The following CENPP variants were observed in gnomAD, a reference collection of about 807,000 sequenced individuals.
CENPP encodes centromere protein P.
A neutral mutation model predicts 35.6 loss-of-function variants in CENPP; 24 were observed. That is an observed-to-expected ratio of 0.67 (90% CI 0.49 to 0.95). The LOEUF is 0.95. CENPP is among the 40% of genes least tolerant of loss of function. The pLI, the probability that CENPP is intolerant of heterozygous loss-of-function variation, is 0.00. For synonymous variants in CENPP, 120 were observed against 125.5 expected (o/e 0.96, Z 0.29); for missense variants, 332 against 345.3 (o/e 0.96, Z 0.31).
At chr9:92,537,087 G>T (rs1159567918) in intron 5 of CENPP, among the ~76,000 whole-genome samples, 3 of 151,536 alleles carry the variant, frequency 2.0e-5, no homozygotes, top group South Asian at 2.1e-4. Flanking sequence ...TGTTGGCCAG[G>T]CTGGTCTCGA....
chr9:92,378,635 C>T (rs1842176362), intron 4 of CENPP, among the ~76,000 whole-genome samples: 1 of 152,128 alleles, frequency 6.6e-6, no homozygotes, highest in Non-Finnish European at 1.5e-5. Context: ...ATTACTGGTA[C>T]AGGAACTCAA....
chr9:92,502,020 G>C (rs1846709418), intron 5 of CENPP, among the ~76,000 whole-genome samples: 1 of 152,230 alleles, frequency 6.6e-6, no homozygotes, highest in Non-Finnish European at 1.5e-5. Flanking sequence ...GTGTAGTGTA[G>C]GAGAACAGGC....
At position 92,375,978 on chromosome 9, in the gene CENPP, GA is replaced by G. The variant is rs575033928; in HGVS notation, c.468-3778del. On this transcript the variant is annotated intron_variant, in intron 4 of 7. Transcript: ENST00000375587. ...TGATGGGCAAAAAGGAAAAAAATAAGAAAAAAAGATATCTTCTCCAGGTCTG... is the reference window on the plus strand; with the variant it reads ...TGATGGGCAAAAAGGAAAAAAATAAGAAAAAAGATATCTTCTCCAGGTCTG... Among the ~76,000 whole-genome samples the G allele has an allele frequency of 4.6e-3, 698 of 151,674 alleles. 12 individuals are homozygous for G. Among genetic ancestry groups the G allele is most frequent in the African/African-American group, 0.016 (662 of 41,354 alleles).
At chr9:92,450,487 G>A (rs1002573760) in intron 5 of CENPP, among the ~76,000 whole-genome samples, 3 of 152,012 alleles carry the variant, frequency 2.0e-5, no homozygotes, top group Non-Finnish European at 2.9e-5. Flanking sequence ...TCTTAATCCA[G>A]TCTATCATTG....
At chr9:92,611,225 C>A in intron 5 of CENPP, 89 bp from the exon 6 acceptor site, 1 of 1,082,614 alleles carries the variant, frequency 9.2e-7, no homozygotes, top group African/African-American at 1.5e-5. Flanking sequence ...TGATTTTCGC[C>A]AGACACCTGG....
At chr9:92,325,806 A>C (rs555506514), upstream of CENPP, 11 of 548,850 alleles carry the variant, frequency 2.0e-5, no homozygotes, top group East Asian at 3.7e-4. Context: ...GAAGTGGAGG[A>C]CTCAGGCTCT....
intron 4 of CENPP, among the ~76,000 whole-genome samples, chr9:92,346,600 G>A (rs765467375): frequency 1.2e-4 from 18 of 152,150 alleles, no homozygotes; most frequent in Non-Finnish European, 2.2e-4. Context: ...TTTTGAGCAG[G>A]GCCTGAGGAA....
intron 5 of CENPP, among the ~76,000 whole-genome samples, chr9:92,453,844 G>T (rs1483543135): frequency 6.6e-6 from 1 of 152,144 alleles, no homozygotes; most frequent in Non-Finnish European, 1.5e-5. Context: ...GGAATGCTGG[G>T]TGTGGTGGCT....
At chr9:92,475,242 G>A (rs1397428651) in intron 5 of CENPP, among the ~76,000 whole-genome samples, 1 of 152,070 alleles carries the variant, frequency 6.6e-6, no homozygotes. Context: ...AAGGGGAATA[G>A]TAAAATAAAA....
chr9:92,551,356 G>T (rs1849583084), intron 5 of CENPP, among the ~76,000 whole-genome samples: 1 of 151,736 alleles, frequency 6.6e-6, no homozygotes, highest in African/African-American at 2.4e-5. Context: ...TTTGTTTTTT[G>T]AGATAGGGTC....
At chr9:92,553,177 C>T (rs1480951974) in intron 5 of CENPP, among the ~76,000 whole-genome samples, 1 of 152,110 alleles carries the variant, frequency 6.6e-6, no homozygotes, top group Non-Finnish European at 1.5e-5. Flanking sequence ...TGTCCTTTCC[C>T]CACTTTATGT....
intron 5 of CENPP, among the ~76,000 whole-genome samples, chr9:92,449,509 G>A (rs916533086): frequency 6.9e-6 from 1 of 145,012 alleles, no homozygotes; most frequent in Non-Finnish European, 1.5e-5. Flanking sequence ...ACCTCATAGG[G>A]TTATTGTGAG....
rs1249917596 is a variant in CENPP, at chr9:92,614,868, C to G, written c.*1719C>G. On this transcript the variant is annotated 3_prime_UTR_variant, in exon 8 of 8. Transcript: ENST00000375587. Reference sequence around the variant, plus strand: ...CCAGGAGCTGTTCACCTTCCAGAAGCAGGGCCTGTGGCAGCCTAACAGGGA... The same window carrying G: ...CCAGGAGCTGTTCACCTTCCAGAAGGAGGGCCTGTGGCAGCCTAACAGGGA... The G allele has an allele frequency of 6.6e-6, 1 of 152,590 alleles. No individual in the cohort carries two copies. Among genetic ancestry groups the G allele is most frequent in the Non-Finnish European group, 1.5e-5 (1 of 68,040 alleles). The allele number at this position is 152,590 out of a possible 1,614,324, so 9.5% of individuals were successfully genotyped here.
At chr9:92,576,267 A>G (rs1382758958) in intron 5 of CENPP, among the ~76,000 whole-genome samples, 2 of 152,238 alleles carry the variant, frequency 1.3e-5, no homozygotes, top group Admixed American at 1.3e-4. Flanking sequence ...CAAATACTGT[A>G]TGATTTCACT....
chr9:92,606,956 C>T (rs759318032), intron 5 of CENPP, among the ~76,000 whole-genome samples: 2 of 152,052 alleles, frequency 1.3e-5, no homozygotes, highest in Non-Finnish European at 2.9e-5. Flanking sequence ...GAGCAAGACT[C>T]TGTCTCAAAA....
chr9:92,596,493 G>C (rs1044247446), intron 5 of CENPP, among the ~76,000 whole-genome samples: 12 of 149,826 alleles, frequency 8.0e-5, no homozygotes, highest in African/African-American at 2.7e-4. Context: ...AAATAGGTGG[G>C]AAGAAGGCAG....
chr9:92,393,187 ACTT>A (rs766538918), intron 5 of CENPP: 1 of 1,613,858 alleles, frequency 6.2e-7, no homozygotes, highest in South Asian at 1.1e-5. Flanking sequence ...ATCAATGTCA[ACTT>A]CTTCACAGTA....
intron 5 of CENPP, chr9:92,393,336 A>C (rs1842765493): frequency 2.1e-6 from 2 of 967,794 alleles, no homozygotes; most frequent in Non-Finnish European, 3.0e-6. Context: ...GAATGCTATT[A>C]CTAATTTGAA....
intron 5 of CENPP, among the ~76,000 whole-genome samples, chr9:92,448,273 C>CTT (rs980637699): frequency 1.5e-4 from 21 of 142,820 alleles, no homozygotes; most frequent in East Asian, 1.0e-3. Flanking sequence ...TCTCTTTTTT[C>CTT]TTTTTTTTTT....
Sources: gnomAD v4.1 joint callset for allele counts (sites outside exome capture counted in the v4.1 genomes callset) on GRCh38, gnomAD v4.1.1 for gene constraint, MANE v1.5 for transcripts, NCBI Gene and HGNC (gene_info 2026-07-23, HGNC 2026-07-21) for gene names.